ADAM12: variants seen among roughly 807,000 people sequenced by gnomAD.
ADAM12 encodes the protein ADAM metallopeptidase domain 12.
Under a neutral mutation model 106.4 loss-of-function variants are expected in ADAM12, and 70 were observed. The observed-to-expected ratio is 0.66, with a 90% CI of 0.54 to 0.80. The LOEUF is 0.80. ADAM12 is among the 30% of genes least tolerant of loss of function. The pLI is 0.00. For synonymous variants in ADAM12, 420 were observed against 433.5 expected (o/e 0.97, Z 0.39); for missense variants, 1,010 against 1,171.9 (o/e 0.86, Z 2.02).
rs189186426 is a variant in ADAM12, at chr10:126,375,987, C to T, written c.88+12071G>A. Among the ~76,000 whole-genome samples the T allele has an allele frequency of 1.3e-3, 202 of 151,616 alleles. 1 individual carries two copies. The highest frequency in any genetic ancestry group is 4.7e-3 in the African/African-American group (193 of 41,280). ...AATTTCTGGGCTCAAGTAATCCCCCCTCCCCACCCCCCAGCCTCTCAAAGT... is the reference window on the plus strand; with the variant it reads ...AATTTCTGGGCTCAAGTAATCCCCCTTCCCCACCCCCCAGCCTCTCAAAGT... On this transcript the variant is annotated intron_variant, in intron 1 of 22. Coordinates refer to ENST00000448723, the MANE Select transcript of ADAM12 (RefSeq NM_001288973.2).
intron 4 of ADAM12, among the ~76,000 whole-genome samples, chr10:126,146,086 A>G (rs11244842): frequency 2.0e-5 from 3 of 152,072 alleles, no homozygotes; most frequent in Admixed American, 2.0e-4. Flanking sequence ...GGAGAAAAAG[A>G]CAGGTGGCTA....
At chr10:126,117,759 G>GGA (rs1271322019) in intron 6 of ADAM12, among the ~76,000 whole-genome samples, 1 of 21,226 alleles carries the variant, frequency 4.7e-5, no homozygotes, top group Non-Finnish European at 8.1e-5. Flanking sequence ...GGTAGAAGTT[G>GGA]GGGGGGCGTA....
At position 126,254,709 on chromosome 10, in the gene ADAM12, C is replaced by T. The variant is rs527552065; in HGVS notation, c.260+24206G>A. On this transcript the variant is annotated intron_variant, in intron 3 of 22. Coordinates refer to ENST00000448723, the MANE Select transcript of ADAM12 (RefSeq NM_001288973.2). ...TAGTGAGGACAAAGGCCACTGACCG[C>T]TCTGCTCACATGCTCCCAGGCCTCC... 8.5e-5 allele frequency among the ~76,000 whole-genome samples: 13 copies of T among 152,320 alleles called. No individual in the cohort carries two copies. The South Asian group carries it at 1.5e-3, about 17-fold the overall frequency.
At chr10:126,264,142 T>C (rs1959054173) in intron 3 of ADAM12, among the ~76,000 whole-genome samples, 1 of 152,238 alleles carries the variant, frequency 6.6e-6, no homozygotes, top group Admixed American at 6.5e-5. Context: ...TGAATAATTG[T>C]TTTCATTTTA....
chr10:126,245,132 G>A (rs1036504974), intron 3 of ADAM12, among the ~76,000 whole-genome samples: 35 of 152,200 alleles, frequency 2.3e-4, no homozygotes, highest in Admixed American at 5.2e-4. Context: ...CGCCAGCCTC[G>A]GGGAACCCTC....
intron 3 of ADAM12, among the ~76,000 whole-genome samples, chr10:126,161,954 T>C (rs1956943566): frequency 6.6e-6 from 1 of 152,236 alleles, no homozygotes; most frequent in Non-Finnish European, 1.5e-5. Context: ...AACAAGGCAC[T>C]CTGCTTCTCT....
chr10:126,047,952 C>G (rs1003310504), intron 16 of ADAM12, among the ~76,000 whole-genome samples: 1 of 152,150 alleles, frequency 6.6e-6, no homozygotes, highest in Non-Finnish European at 1.5e-5. Flanking sequence ...CCATGGAATA[C>G]TATGCAGCCA....
At chr10:126,050,934 G>A (rs1424808526) in intron 14 of ADAM12, among the ~76,000 whole-genome samples, 4 of 152,076 alleles carry the variant, frequency 2.6e-5, no homozygotes, top group Non-Finnish European at 5.9e-5. Context: ...AGCCCAGACT[G>A]GACACAATTC....
intron 1 of ADAM12, among the ~76,000 whole-genome samples, chr10:126,386,488 A>T (rs1383297575): frequency 3.1e-4 from 47 of 152,192 alleles, no homozygotes; most frequent in Non-Finnish European, 4.4e-5. Context: ...ATCCTGGAAT[A>T]TATCACAATA....
chr10:126,242,634 C>T (rs748135728), intron 3 of ADAM12, among the ~76,000 whole-genome samples: 56 of 152,200 alleles, frequency 3.7e-4, no homozygotes, highest in Non-Finnish European at 7.2e-4. Context: ...TGAGCAAACC[C>T]TTTTAATGAA....
chr10:126,204,766 G>A (rs549598528), intron 3 of ADAM12, among the ~76,000 whole-genome samples: 18 of 152,234 alleles, frequency 1.2e-4, no homozygotes, highest in Admixed American at 1.2e-3. Context: ...CCTATTTACG[G>A]GCTTATCTTA....
At chr10:126,327,273 A>G (rs1486257897) in intron 2 of ADAM12, among the ~76,000 whole-genome samples, 2 of 152,154 alleles carry the variant, frequency 1.3e-5, no homozygotes, top group African/African-American at 4.8e-5. Context: ...GAAAATCATG[A>G]TGAGTTAGAT....
At chr10:126,336,944 A>G in intron 1 of ADAM12, among the ~76,000 whole-genome samples, 1 of 152,194 alleles carries the variant, frequency 6.6e-6, no homozygotes, top group East Asian at 1.9e-4. Flanking sequence ...ATCCTTGGTG[A>G]GTGGAGCTGG....
At chr10:126,030,131 G>A (rs1953948537) in intron 21 of ADAM12, among the ~76,000 whole-genome samples, 1 of 152,240 alleles carries the variant, frequency 6.6e-6, no homozygotes, top group Non-Finnish European at 1.5e-5. Context: ...TGAAAAGAAT[G>A]AAGCAGATGT....
At chr10:126,205,714 A>C (rs1406988358) in intron 3 of ADAM12, among the ~76,000 whole-genome samples, 2 of 152,210 alleles carry the variant, frequency 1.3e-5, no homozygotes, top group Non-Finnish European at 2.9e-5. Flanking sequence ...TCTTATCTCA[A>C]ATTTTGCAGA....
intron 3 of ADAM12, among the ~76,000 whole-genome samples, chr10:126,218,351 A>AAGGT (rs1225686587): frequency 1.3e-5 from 2 of 152,170 alleles, no homozygotes; most frequent in African/African-American, 4.8e-5. Flanking sequence ...TCAACTCACC[A>AAGGT]AGGTAGGTAT....
chr10:126,135,596 C>T lies in ADAM12; in HGVS notation c.404G>A (p.Cys135Tyr). 6.2e-7 allele frequency: 1 copy of T among 1,614,204 alleles called. No homozygotes were observed. Among genetic ancestry groups the T allele is most frequent in the East Asian group, 2.2e-5 (1 of 44,884 alleles). ...YSDSAVSLST[C>Y]SGLRGLIVFE... ...CATGGCCACTTACCTGAGACCAGAA[C>T]ACGTGCTGAGACTGACTGCTGAATC... The change falls in exon 5 of 23, where the codon TGT becomes TAT. Residue 135 changes from cysteine (C) to tyrosine (Y), a missense_variant. Around this residue, in one of 3 missense-constraint regions of ADAM12, gnomAD observed 391 missense variants for 442.9 expected, o/e 0.88. Transcript: ENST00000448723.
intron 3 of ADAM12, among the ~76,000 whole-genome samples, chr10:126,221,683 C>T (rs949865793): frequency 6.6e-6 from 1 of 152,140 alleles, no homozygotes; most frequent in Non-Finnish European, 1.5e-5. Context: ...CATCCAACAC[C>T]GAGGAGACAG....
chr10:126,063,227 A>G (rs572647800), intron 14 of ADAM12, among the ~76,000 whole-genome samples: 2 of 152,310 alleles, frequency 1.3e-5, no homozygotes, highest in East Asian at 1.9e-4. Flanking sequence ...ACAACTCCTC[A>G]GAGGCCGAGC....
Sources: allele counts gnomAD v4.1 joint callset (sites outside exome capture counted in the v4.1 genomes callset), GRCh38; gene constraint gnomAD v4.1.1; regional missense constraint gnomAD v4.1.1; transcripts MANE v1.5; gene names NCBI Gene and HGNC (gene_info 2026-07-23, HGNC 2026-07-21).